P4HA3: variants seen among roughly 807,000 people sequenced by gnomAD.
P4HA3 encodes prolyl 4-hydroxylase subunit alpha-3.
A neutral mutation model predicts 66.7 loss-of-function variants in P4HA3; 60 were observed. The observed-to-expected ratio is 0.90, with a 90% CI of 0.73 to 1.12. P4HA3 has a LOEUF of 1.12. P4HA3 is among the 50% of genes most tolerant of loss of function. The pLI is 0.00. For missense variants in P4HA3, 683 were observed against 685.8 expected (o/e 1.00, Z 0.05); for synonymous variants, 263 against 274.6 (o/e 0.96, Z 0.42).
At position 74,302,302 on chromosome 11, in the gene P4HA3, G is replaced by A. The variant is rs1280456145; in HGVS notation, c.567+67C>T. 9.0e-6 allele frequency: 12 copies of A among 1,327,174 alleles called. No individual in the cohort carries two copies. In the South Asian group the frequency reaches 1.1e-4, roughly 13 times the overall value. 82.2% of individuals were successfully genotyped at this position (1,327,174 alleles called of 1,614,324 possible). A position where few individuals can be genotyped will look rare whatever the true frequency, so the allele number is the denominator to read the frequency against. The stretch of plus-strand genomic sequence containing the variant: ...GTATTAAAAAGAAGTAAAATCAATC[G>A]GTACATAGTTATTTTATCCATAAGA... On this transcript the variant is annotated intron_variant, in intron 3 of 12. Transcript: ENST00000331597.
chr11:74,296,917 T>A (rs1405670466), intron 4 of P4HA3, among the ~76,000 whole-genome samples: 1 of 147,530 alleles, frequency 6.8e-6, no homozygotes, highest in Non-Finnish European at 1.5e-5. Context: ...CATACACAGT[T>A]TTTTTTTTCT....
Position 74,289,111 on chromosome 11 carries a change from G to T in P4HA3, c.737C>A (p.Ala246Asp). The change falls in exon 5 of 13, where the codon GCC becomes GAC. Residue 246 changes from alanine to aspartate, a missense_variant. Ala to Asp is a moderately radical substitution (Grantham distance 126). Transcript: ENST00000331597. Reference protein sequence around the residue: ...AYFRAGNVSCALSLSREFLLY... With the variant: ...AYFRAGNVSCDLSLSREFLLY... ...AAGAAACTCCCGAGAGAGGCTGAGG[G>T]CACACGAAACATTTCCTGCCTGTTA... The T allele has an allele frequency of 6.3e-7, 1 of 1,580,200 alleles. No individual in the cohort carries two copies. The highest frequency in any genetic ancestry group is 1.8e-5 in the Admixed American group (1 of 55,406).
chr11:74,267,415 C>G, intron 12 of P4HA3, 97 bp from the exon 13 acceptor site: 3 of 1,433,238 alleles, frequency 2.1e-6, no homozygotes, highest in Non-Finnish European at 2.8e-6. Context: ...GTGTGAGTGC[C>G]CCCTTAAATT....
chr11:74,270,400 GATATGTTTTCTTAATGTGAA>G (rs1369104057), intron 10 of P4HA3, among the ~76,000 whole-genome samples: 2 of 152,130 alleles, frequency 1.3e-5, no homozygotes, highest in Non-Finnish European at 2.9e-5. Flanking sequence ...TAGGACTATG[GATATGTTTTCTTAATGTGAA>G]GCTTTTTTTC....
chr11:74,306,326 G>A (rs1379543525), intron 1 of P4HA3, among the ~76,000 whole-genome samples: 1 of 152,142 alleles, frequency 6.6e-6, no homozygotes, highest in African/African-American at 2.4e-5. Context: ...TGTTTATATA[G>A]GCAAAAGATG....
chr11:74,264,870 G>T (rs915947209), downstream of P4HA3, among the ~76,000 whole-genome samples: 2 of 152,164 alleles, frequency 1.3e-5, no homozygotes, highest in Non-Finnish European at 2.9e-5. Flanking sequence ...TGCGCCTGAG[G>T]ATTACTCATT....
chr11:74,300,777 C>T (rs1200900630), intron 3 of P4HA3, among the ~76,000 whole-genome samples: 1 of 152,100 alleles, frequency 6.6e-6, no homozygotes, highest in African/African-American at 2.4e-5. Flanking sequence ...AGGTATTCAT[C>T]CAAGAGAAAT....
chr11:74,305,344 G>A (rs1049103848), intron 1 of P4HA3, among the ~76,000 whole-genome samples: 1 of 152,024 alleles, frequency 6.6e-6, no homozygotes, highest in Non-Finnish European at 1.5e-5. Context: ...TTGGCCTGTT[G>A]GGTGCTCTAA....
At chr11:74,258,101 C>T (rs1156861199) in intron 15 of P4HA3, among the ~76,000 whole-genome samples, 1 of 152,202 alleles carries the variant, frequency 6.6e-6, no homozygotes, top group African/African-American at 2.4e-5. Context: ...GCCAACTCTG[C>T]TGCTCCAGCT....
At position 74,260,562 on chromosome 11, in the gene P4HA3, C is replaced by A. The variant is rs182834430; in HGVS notation, c.*1105-426G>T. 4.2e-3 allele frequency among the ~76,000 whole-genome samples: 632 copies of A among 151,852 alleles called. 3 individuals carry two copies. The highest frequency in any genetic ancestry group is 0.015 in the African/African-American group (609 of 41,404). ...GGTAAATGGAAAAATAATGTTTTTCCAAAAAACAGATTACAGATCATAAAG... is the reference window on the plus strand; with the variant it reads ...GGTAAATGGAAAAATAATGTTTTTCAAAAAAACAGATTACAGATCATAAAG... On this transcript the variant is annotated intron_variant and NMD_transcript_variant, in intron 14 of 15. Coordinates refer to the P4HA3 transcript ENST00000524388.
chr11:74,305,006 C>T (rs1861536986), intron 1 of P4HA3, among the ~76,000 whole-genome samples: 1 of 152,102 alleles, frequency 6.6e-6, no homozygotes, highest in African/African-American at 2.4e-5. Flanking sequence ...AAGGTTCACG[C>T]TCCTATGAGA....
chr11:74,285,890 G>A lies in P4HA3; in HGVS notation c.1029C>T (p.His343=), dbSNP rs776006300. Residue 343 remains histidine, a synonymous_variant, in exon 7 of 13, where the codon CAC becomes CAT. Coordinates refer to ENST00000331597, the MANE Select transcript of P4HA3 (RefSeq NM_182904.5). ...GGTAGAGAGCAATGTAGGGCTCCAG[G>A]TGGATGACCTCCTTCCGGATGGGCT... ...LLQPIRKEVI[H]LEPYIALYHD... The A allele has an allele frequency of 6.2e-6, 10 of 1,613,694 alleles. No homozygotes were observed. The highest frequency in any genetic ancestry group is 7.6e-6 in the Non-Finnish European group (9 of 1,179,606).
downstream of P4HA3, among the ~76,000 whole-genome samples, chr11:74,264,804 C>G (rs966203164): frequency 6.6e-6 from 1 of 152,190 alleles, no homozygotes; most frequent in Non-Finnish European, 1.5e-5. Flanking sequence ...TCCTACTGGC[C>G]CAGCTTCCAG....
chr11:74,265,230 G>T (rs553149166), downstream of P4HA3, among the ~76,000 whole-genome samples: 4 of 152,152 alleles, frequency 2.6e-5, no homozygotes, highest in African/African-American at 7.2e-5. Flanking sequence ...CTCGTCTCAG[G>T]CCTGTTCCTC....
chr11:74,284,980 G>T (rs1200242858), intron 7 of P4HA3, among the ~76,000 whole-genome samples: 4 of 151,938 alleles, frequency 2.6e-5, no homozygotes, highest in African/African-American at 9.7e-5. Flanking sequence ...GCCTCCTTTG[G>T]TTCTTTTTAT....
downstream of P4HA3, among the ~76,000 whole-genome samples, chr11:74,264,875 C>T (rs1373922653): frequency 6.6e-6 from 1 of 152,198 alleles, no homozygotes; most frequent in African/African-American, 2.4e-5. Context: ...CTGAGGATTA[C>T]TCATTAAGCA....
intron 1 of P4HA3, among the ~76,000 whole-genome samples, chr11:74,308,667 A>G (rs1170918461): frequency 6.6e-6 from 1 of 152,196 alleles, no homozygotes; most frequent in Non-Finnish European, 1.5e-5. Flanking sequence ...AAAATAATTG[A>G]GAACTTTTCT....
chr11:74,289,625 G>A (rs1254407685), intron 4 of P4HA3, among the ~76,000 whole-genome samples: 1 of 126,722 alleles, frequency 7.9e-6, no homozygotes, highest in African/African-American at 3.1e-5. Flanking sequence ...TCCCTGGTGT[G>A]TGATGTTCCC....
At chr11:74,260,474 A>AG (rs1187797877) in intron 14 of P4HA3, among the ~76,000 whole-genome samples, 1 of 152,184 alleles carries the variant, frequency 6.6e-6, no homozygotes, top group African/African-American at 2.4e-5. Context: ...CACAATTGGG[A>AG]GGGGGGCCCC....
Sources: allele counts gnomAD v4.1 joint callset (sites outside exome capture counted in the v4.1 genomes callset), GRCh38; gene constraint gnomAD v4.1.1; transcripts MANE v1.5; gene names NCBI Gene and HGNC (gene_info 2026-07-23, HGNC 2026-07-21).